HIVEP3: variants seen among roughly 807,000 people sequenced by gnomAD.
HIVEP3 encodes the protein HIVEP zinc finger 3, also known as transcription factor HIVEP3.
In HIVEP3, 49 loss-of-function variants were observed where a neutral mutation model predicts 152.8. The ratio of observed to expected loss-of-function variants is 0.32; its 90% CI spans 0.26 to 0.41. HIVEP3 has a LOEUF of 0.41. Ranked by LOEUF, HIVEP3 falls within the 10% of genes least tolerant of loss-of-function variation. HIVEP3 has a pLI of 1.00. For synonymous variants in HIVEP3, 1,269 were observed against 1,289.0 expected, an observed-to-expected ratio of 0.98 and a Z score of 0.33; for missense variants, 2,790 against 3,103.3, an observed-to-expected ratio of 0.90 and a Z score of 2.40.
At chr1:41,761,274 CTG>C (rs763757391) in intron 1 of HIVEP3, among the ~76,000 whole-genome samples, 8 of 151,506 alleles carry the variant, frequency 5.3e-5, no homozygotes, top group South Asian at 2.1e-4. Context: ...ATGTGTATGC[CTG>C]TGTGTGTATA....
intron 3 of HIVEP3, among the ~76,000 whole-genome samples, chr1:41,594,428 G>A (rs1200993756): frequency 6.6e-6 from 1 of 151,962 alleles, no homozygotes; most frequent in Non-Finnish European, 1.5e-5. Flanking sequence ...TCACCATGGC[G>A]GCCAGACTGG....
chr1:41,809,313 T>C (rs182372111), intron 1 of HIVEP3, among the ~76,000 whole-genome samples: 40 of 152,306 alleles, frequency 2.6e-4, no homozygotes, highest in Non-Finnish European at 5.3e-4. Context: ...TAAGAGAGAC[T>C]TGGAACAGTG....
chr1:41,866,007 C>T (rs879638796), intron 1 of HIVEP3, among the ~76,000 whole-genome samples: 7 of 152,196 alleles, frequency 4.6e-5, no homozygotes, highest in Admixed American at 6.5e-5. Flanking sequence ...CTTCTCTCCC[C>T]GCTGCTGTGA....
At chr1:41,552,756 T>C (rs1193454142) in intron 5 of HIVEP3, among the ~76,000 whole-genome samples, 2 of 152,240 alleles carry the variant, frequency 1.3e-5, no homozygotes, top group Non-Finnish European at 2.9e-5. Flanking sequence ...CTGGGTCAAA[T>C]GGTATTTCTA....
intron 1 of HIVEP3, among the ~76,000 whole-genome samples, chr1:41,758,844 C>A (rs539929510): frequency 6.6e-6 from 1 of 152,288 alleles, no homozygotes; most frequent in African/African-American, 2.4e-5. Flanking sequence ...ATCTTAGACA[C>A]CTCCCTTTTA....
intron 3 of HIVEP3, among the ~76,000 whole-genome samples, chr1:41,624,202 G>A (rs573372472): frequency 4.6e-5 from 7 of 152,058 alleles, no homozygotes; most frequent in African/African-American, 7.2e-5. Flanking sequence ...CTCAGCATCC[G>A]TGGCCCCTCC....
chr1:41,638,286 A>AAG (rs1380457524), intron 2 of HIVEP3, among the ~76,000 whole-genome samples: 6 of 67,902 alleles, frequency 8.8e-5, no homozygotes, highest in Non-Finnish European at 1.2e-4. Flanking sequence ...AAGAAAGAGG[A>AAG]AGGAAGGAAG....
chr1:41,549,209 T>A (rs369560647), intron 5 of HIVEP3, among the ~76,000 whole-genome samples: 6 of 152,214 alleles, frequency 3.9e-5, no homozygotes, highest in South Asian at 2.1e-4. Context: ...GAACTCATCC[T>A]TTTCTATGGG....
chr1:41,993,884 A>G (rs945582397), intron 1 of HIVEP3, among the ~76,000 whole-genome samples: 2 of 151,694 alleles, frequency 1.3e-5, no homozygotes, highest in African/African-American at 4.8e-5. Flanking sequence ...ATCATTCTCA[A>G]TAAACTATTG....
At chr1:41,806,667 A>G (rs1478380568) in intron 1 of HIVEP3, among the ~76,000 whole-genome samples, 1 of 152,218 alleles carries the variant, frequency 6.6e-6, no homozygotes, top group Non-Finnish European at 1.5e-5. Context: ...GCTGAGCAGG[A>G]AGGGGGAAAC....
chr1:41,516,609 C>T (rs1642614206), intron 7 of HIVEP3, among the ~76,000 whole-genome samples: 1 of 152,224 alleles, frequency 6.6e-6, no homozygotes, highest in African/African-American at 2.4e-5. Flanking sequence ...CGGCACAGGC[C>T]AGAGGACGCC....
chr1:41,749,479 G>C (rs1647125365), intron 1 of HIVEP3, among the ~76,000 whole-genome samples: 1 of 147,784 alleles, frequency 6.8e-6, no homozygotes, highest in Non-Finnish European at 1.5e-5. Flanking sequence ...AATAATTCTA[G>C]AGAGAGGGCC....
chr1:41,962,487 G>C (rs1034791998), intron 1 of HIVEP3, among the ~76,000 whole-genome samples: 3 of 152,200 alleles, frequency 2.0e-5, no homozygotes, highest in African/African-American at 7.2e-5. Context: ...TGTTAATTTC[G>C]TAAAACACAT....
At chr1:41,594,178 A>G (rs1644630454) in intron 3 of HIVEP3, among the ~76,000 whole-genome samples, 1 of 152,220 alleles carries the variant, frequency 6.6e-6, no homozygotes, top group Non-Finnish European at 1.5e-5. Flanking sequence ...TTGGGGGTCC[A>G]TTATTTTGCC....
rs139258363 is a variant in HIVEP3 at position 42,017,627 on chromosome 1, A to C, written n.119+18180T>G. On this transcript the variant is annotated intron_variant and non_coding_transcript_variant, in intron 1 of 3. Coordinates refer to the HIVEP3 transcript ENST00000489103. Reference sequence around the variant, plus strand: ...AGATTACATATTCTCATTTCTGTATATATTCCATATATTGATTTATTTATC... The same window carrying C: ...AGATTACATATTCTCATTTCTGTATCTATTCCATATATTGATTTATTTATC... Among the ~76,000 whole-genome samples, 3 of 152,258 alleles carry C rather than the reference A, an allele frequency of 2.0e-5. No homozygotes were observed. The East Asian group carries it at 5.8e-4, about 29-fold the overall frequency.
chr1:41,959,610 C>T (rs74369595), intron 1 of HIVEP3, among the ~76,000 whole-genome samples: 2,370 of 152,224 alleles, frequency 0.016, 63 homozygotes, highest in African/African-American at 0.055. Context: ...CACTGCCCTT[C>T]GGGAAGTAGC....
At chr1:41,922,495 A>T (rs1269513961), upstream of HIVEP3, among the ~76,000 whole-genome samples, 1 of 152,214 alleles carries the variant, frequency 6.6e-6, no homozygotes, top group Admixed American at 6.5e-5. Flanking sequence ...GATCTCTTCC[A>T]GCTGAGGAAC....
chr1:41,577,992 G>C, intron 4 of HIVEP3, among the ~76,000 whole-genome samples: 1 of 152,194 alleles, frequency 6.6e-6, no homozygotes, highest in East Asian at 1.9e-4. Context: ...ATAAATAATT[G>C]CCGAATCCAA....
intron 8 of HIVEP3, 25 bp downstream of exon 8, chr1:41,512,791 C>T (rs1001228517): frequency 1.0e-5 from 15 of 1,459,386 alleles, no homozygotes; most frequent in Non-Finnish European, 1.4e-5. Context: ...GAGAAGCGGC[C>T]CAGCCACCAG....
Sources: allele counts gnomAD v4.1 joint callset (sites outside exome capture counted in the v4.1 genomes callset), GRCh38; gene constraint gnomAD v4.1.1; transcripts MANE v1.5; gene names NCBI Gene and HGNC (gene_info 2026-07-23, HGNC 2026-07-21).